The following BRINP1 variants were observed in gnomAD, a reference collection of about 807,000 sequenced individuals.
BRINP1 encodes the protein BMP/retinoic acid-inducible neural-specific protein 1.
Under a neutral mutation model 72.9 loss-of-function variants are expected in BRINP1, and 17 were observed. That is an observed-to-expected ratio of 0.23 (90% CI 0.16 to 0.35). The LOEUF (loss-of-function observed/expected upper bound fraction) is 0.35, where lower values mean the gene tolerates loss of function less well. Ranked by LOEUF, BRINP1 falls within the 10% of genes least tolerant of loss-of-function variation. The pLI is 1.00. For synonymous variants in BRINP1, 418 were observed against 378.5 expected, an observed-to-expected ratio of 1.10 and a Z score of -1.21; for missense variants, 850 against 1,001.6, an observed-to-expected ratio of 0.85 and a Z score of 2.04.
At chr9:119,238,631 C>G (rs1369471580) in intron 5 of BRINP1, 24 bp downstream of exon 5, 1 of 1,504,246 alleles carries the variant, frequency 6.6e-7, no homozygotes, top group Non-Finnish European at 9.2e-7. Context: ...CCAACTGACC[C>G]CACTTTTTCC....
At chr9:119,202,502 A>C (rs1241382845) in intron 7 of BRINP1, among the ~76,000 whole-genome samples, 2 of 152,192 alleles carry the variant, frequency 1.3e-5, no homozygotes, top group African/African-American at 4.8e-5. Context: ...TGATAAAGCC[A>C]AGGCTTAAAA....
At chr9:119,213,646 A>C in intron 6 of BRINP1, 1 of 577,990 alleles carries the variant, frequency 1.7e-6, no homozygotes, top group Non-Finnish European at 3.1e-6. Flanking sequence ...GAGGCTTCCT[A>C]TGCAGATTTA....
Position 119,168,156 on chromosome 9 carries a change from G to A in BRINP1, c.1214C>T (p.Thr405Ile). 6.3e-7 allele frequency: 1 copy of A among 1,586,844 alleles called. No homozygotes were observed. The highest frequency in any genetic ancestry group is 2.2e-5 in the East Asian group (1 of 44,488). ...LYCNENGFWGTFLESQRSCVC... is the reference protein window; with the variant it reads ...LYCNENGFWGIFLESQRSCVC... ...GCAGCTCCGCTGGCTCTCCAGGAAG[G>A]TTCCCCAAAACCCATTCTCATTACA... Residue 405 changes from threonine (T) to isoleucine (I), a missense_variant, in exon 8 of 8, where the codon ACC becomes ATC. Physicochemically the swap from Thr to Ile is moderately conservative, Grantham distance 89. Transcript: ENST00000265922.
chr9:119,214,106 C>T lies in BRINP1; in HGVS notation c.735G>A (p.Ser245=), dbSNP rs774889116. Residue 245 remains serine (S), a synonymous_variant, in exon 6 of 8, where the codon TCG becomes TCA. Coordinates refer to ENST00000265922, the MANE Select transcript of BRINP1 (RefSeq NM_014618.3). ...CATTGCACATGATATAGCTCAAGGC[C>T]GACTGGACAAACTTCTCTTGCAGAT... ...PQYLQEKFVQ[S]ALSYIMCNGE... is the part of the protein sequence containing the mutation. The T allele has an allele frequency of 2.2e-5, 36 of 1,613,970 alleles. 1 individual carries two copies. The South Asian group carries it at 3.0e-4, about 13-fold the overall frequency.
chr9:119,217,978 C>T (rs1829996966), intron 5 of BRINP1, among the ~76,000 whole-genome samples: 1 of 152,056 alleles, frequency 6.6e-6, no homozygotes, highest in Admixed American at 6.5e-5. Flanking sequence ...AATCCAGACC[C>T]TCCCAGACCC....
chr9:119,367,221 G>GTGTGAT (rs1564259756), intron 1 of BRINP1, among the ~76,000 whole-genome samples: 1 of 99,850 alleles, frequency 1.0e-5, no homozygotes, highest in African/African-American at 3.9e-5. Context: ...GTGTGTGATT[G>GTGTGAT]ATATATATAT....
intron 7 of BRINP1, among the ~76,000 whole-genome samples, chr9:119,169,753 A>C (rs551313072): frequency 3.3e-3 from 449 of 135,514 alleles, no homozygotes; most frequent in South Asian, 4.4e-3. Context: ...TGAAGAGAGC[A>C]GTGGTTCTCC....
chr9:119,191,303 G>C (rs975465736), intron 7 of BRINP1, among the ~76,000 whole-genome samples: 75 of 151,538 alleles, frequency 4.9e-4, no homozygotes, highest in African/African-American at 1.8e-3. Flanking sequence ...ACAAGAAAAA[G>C]AAATAAAAAA....
intron 7 of BRINP1, among the ~76,000 whole-genome samples, chr9:119,183,214 G>A (rs1430852533): frequency 6.6e-6 from 1 of 152,180 alleles, no homozygotes. Context: ...ACATGTATAA[G>A]ATTGCAGTAC....
intron 7 of BRINP1, among the ~76,000 whole-genome samples, chr9:119,188,588 C>T (rs1189918055): frequency 6.6e-6 from 1 of 151,968 alleles, no homozygotes; most frequent in Non-Finnish European, 1.5e-5. Context: ...CACAGTGAGA[C>T]CCCATCTCTA....
At chr9:119,293,122 C>A (rs1197977057) in intron 2 of BRINP1, among the ~76,000 whole-genome samples, 1 of 151,954 alleles carries the variant, frequency 6.6e-6, no homozygotes, top group Non-Finnish European at 1.5e-5. Flanking sequence ...CTTATGAAAG[C>A]CCACATTGTG....
chr9:119,324,800 T>C (rs538891726), intron 1 of BRINP1, among the ~76,000 whole-genome samples: 2 of 152,208 alleles, frequency 1.3e-5, no homozygotes, highest in African/African-American at 4.8e-5. Flanking sequence ...ACAAAAACAT[T>C]CTAGAAAACC....
chr9:119,238,812 A>T, intron 4 of BRINP1, 52 bp from the exon 5 acceptor site: 1 of 1,235,528 alleles, frequency 8.1e-7, no homozygotes, highest in Non-Finnish European at 1.2e-6. Flanking sequence ...CTTGTCTAGG[A>T]CATACCCCAA....
At chr9:119,275,706 G>A (rs1016552100) in intron 2 of BRINP1, among the ~76,000 whole-genome samples, 2 of 152,140 alleles carry the variant, frequency 1.3e-5, no homozygotes, top group Non-Finnish European at 2.9e-5. Flanking sequence ...GTTTTCACTA[G>A]TTTCTGCTGG....
At chr9:119,295,510 T>A (rs1830866653) in intron 2 of BRINP1, among the ~76,000 whole-genome samples, 1 of 152,190 alleles carries the variant, frequency 6.6e-6, no homozygotes, top group African/African-American at 2.4e-5. Flanking sequence ...CAATGGTAAA[T>A]ATTCATGTAT....
chr9:119,250,680 G>A (rs541501954), intron 2 of BRINP1, among the ~76,000 whole-genome samples: 23 of 152,224 alleles, frequency 1.5e-4, no homozygotes, highest in Non-Finnish European at 1.9e-4. Context: ...CATACAAACC[G>A]AGTACAAGTG....
At chr9:119,221,982 T>C (rs921474610) in intron 5 of BRINP1, among the ~76,000 whole-genome samples, 6 of 152,172 alleles carry the variant, frequency 3.9e-5, no homozygotes, top group Non-Finnish European at 2.9e-5. Context: ...CTTCTTATAA[T>C]GTCCCCTCTT....
At chr9:119,313,111 G>T in intron 2 of BRINP1, 27 bp downstream of exon 2, 2 of 1,606,584 alleles carry the variant, frequency 1.2e-6, no homozygotes, top group Non-Finnish European at 1.7e-6. Context: ...TGAATGTAAG[G>T]CAAGGGCTAT....
At chr9:119,335,428 C>T (rs989325446) in intron 1 of BRINP1, among the ~76,000 whole-genome samples, 4 of 152,208 alleles carry the variant, frequency 2.6e-5, no homozygotes, top group African/African-American at 9.6e-5. Context: ...CACACTCTAT[C>T]GGTGACTCAC....
Sources: gnomAD v4.1 joint callset for allele counts (sites outside exome capture counted in the v4.1 genomes callset) on GRCh38, gnomAD v4.1.1 for gene constraint, MANE v1.5 for transcripts, NCBI Gene and HGNC (gene_info 2026-07-23, HGNC 2026-07-21) for gene names.